ERI1: variants seen among roughly 807,000 people sequenced by gnomAD.
ERI1 encodes the protein 3'-5' exoribonuclease 1.
A neutral mutation model predicts 39.7 loss-of-function variants in ERI1; 39 were observed. The ratio of observed to expected loss-of-function variants is 0.98; its 90% CI spans 0.76 to 1.28. ERI1 has a LOEUF of 1.28. ERI1 is among the 50% of genes most tolerant of loss of function. The pLI is 0.00. For synonymous variants in ERI1, 204 were observed against 149.6 expected, an observed-to-expected ratio of 1.36 and a Z score of -2.65; for missense variants, 581 against 416.9, an observed-to-expected ratio of 1.39 and a Z score of -3.43.
At chr8:9,007,333 A>G (rs916611618) in intron 1 of ERI1, among the ~76,000 whole-genome samples, 2 of 152,360 alleles carry the variant, frequency 1.3e-5, no homozygotes, top group East Asian at 3.9e-4. Context: ...TATGTTGGGC[A>G]ATTTTTGTTA....
rs60847461 is a variant in ERI1 at position 9,005,514 on chromosome 8, G to GTTT, written c.108+2359_108+2361dup. Among the ~76,000 whole-genome samples the GTTT allele has an allele frequency of 1.7e-3, 224 of 130,798 alleles. 3 individuals carry two copies. In the South Asian group the frequency reaches 0.022, roughly 13 times the overall value. 85.8% of individuals were successfully genotyped at this position (130,798 alleles called of 152,430 possible). ...TTAAGTTCAACAACAGTTTTTTTAT[G>GTTT]TTTTTTTTTTTTTTTTTTGAGAGGG... On this transcript the variant is annotated intron_variant, in intron 1 of 6. Transcript: ENST00000250263.
chr8:9,075,206 A>G (rs1187547247), intron 3 of ERI1, among the ~76,000 whole-genome samples: 2 of 152,230 alleles, frequency 1.3e-5, no homozygotes, highest in East Asian at 1.9e-4. Context: ...AAACCAAAAC[A>G]TCTTATCAGC....
intron 2 of ERI1, among the ~76,000 whole-genome samples, chr8:9,008,753 G>A (rs987395386): frequency 9.2e-5 from 14 of 152,168 alleles, no homozygotes; most frequent in African/African-American, 2.9e-4. Context: ...TGGGCCATGG[G>A]GCAGAAATGG....
intron 3 of ERI1, chr8:9,088,402 G>A (rs969762049): frequency 1.3e-5 from 2 of 152,040 alleles, no homozygotes; most frequent in Admixed American, 6.6e-5. Context: ...ACGGTATTCC[G>A]TTAGCTCAAG....
chr8:9,060,400 G>A (rs997651445), intron 3 of ERI1, among the ~76,000 whole-genome samples: 82 of 152,202 alleles, frequency 5.4e-4, no homozygotes, highest in African/African-American at 1.9e-3. Context: ...TGCCAATCCT[G>A]GTGGGGGGCG....
At chr8:9,085,761 T>C (rs528697267) in intron 3 of ERI1, among the ~76,000 whole-genome samples, 7 of 152,044 alleles carry the variant, frequency 4.6e-5, no homozygotes, top group Non-Finnish European at 7.4e-5. Flanking sequence ...TAAACAGGAA[T>C]ATGTGACGCT....
At chr8:9,037,682 C>T (rs575325887), downstream of ERI1, among the ~76,000 whole-genome samples, 109 of 152,126 alleles carry the variant, frequency 7.2e-4, no homozygotes, top group African/African-American at 2.3e-3. Context: ...TCCTGACTGC[C>T]GTGATGAATG....
At chr8:9,012,338 T>C (rs1464174257) in intron 3 of ERI1, among the ~76,000 whole-genome samples, 2 of 152,230 alleles carry the variant, frequency 1.3e-5, no homozygotes, top group African/African-American at 2.4e-5. Context: ...GCTTTATTAG[T>C]TAAGAAAGTC....
intron 3 of ERI1, among the ~76,000 whole-genome samples, chr8:9,043,070 G>C (rs1380905474): frequency 6.6e-6 from 1 of 152,160 alleles, no homozygotes; most frequent in African/African-American, 2.4e-5. Flanking sequence ...TACGTCTAAG[G>C]GCATCTCTTT....
At chr8:9,097,514 C>G (rs1174656835) in intron 3 of ERI1, among the ~76,000 whole-genome samples, 2 of 152,058 alleles carry the variant, frequency 1.3e-5, no homozygotes, top group Middle Eastern at 6.8e-3. Context: ...ACTAAAAATA[C>G]AAAAATTAGC....
intron 3 of ERI1, among the ~76,000 whole-genome samples, chr8:9,051,259 C>G (rs1013061370): frequency 6.6e-6 from 1 of 151,884 alleles, no homozygotes; most frequent in Non-Finnish European, 1.5e-5. Context: ...TGGTGAGGGC[C>G]TTGTTGCTGG....
chr8:9,070,750 G>T (rs912820806), intron 3 of ERI1, among the ~76,000 whole-genome samples: 1 of 152,184 alleles, frequency 6.6e-6, no homozygotes, highest in Non-Finnish European at 1.5e-5. Context: ...GGTTCAAGTC[G>T]CATGTCTGTG....
intron 1 of ERI1, chr8:9,004,393 A>C: frequency 1.5e-6 from 1 of 670,108 alleles, no homozygotes. Flanking sequence ...ACACTTTTAC[A>C]GCTACTTAAG....
intron 3 of ERI1, among the ~76,000 whole-genome samples, chr8:9,073,573 G>T (rs939002911): frequency 5.9e-5 from 9 of 152,156 alleles, no homozygotes; most frequent in African/African-American, 2.2e-4. Context: ...TTTTGAAGAG[G>T]CATTAACTCA....
chr8:9,080,826 G>A (rs1799345758), intron 3 of ERI1, among the ~76,000 whole-genome samples: 1 of 152,128 alleles, frequency 6.6e-6, no homozygotes, highest in South Asian at 2.1e-4. Context: ...GAGGGCAGCG[G>A]TGCAAAGAAT....
chr8:9,056,201 T>C (rs537343479), intron 3 of ERI1, among the ~76,000 whole-genome samples: 1 of 152,250 alleles, frequency 6.6e-6, no homozygotes. Flanking sequence ...CCAGCTCCGC[T>C]GGAAGTGGAA....
At chr8:9,049,161 C>G (rs1798271408) in intron 3 of ERI1, among the ~76,000 whole-genome samples, 2 of 151,348 alleles carry the variant, frequency 1.3e-5, no homozygotes. Context: ...CATGGTGAAA[C>G]CCCGTCTCTA....
At position 9,016,776 on chromosome 8, in the gene ERI1, C is replaced by T. The variant is rs964089073; in HGVS notation, c.582+371C>T. Among the ~76,000 whole-genome samples the T allele has an allele frequency of 2.6e-5, 4 of 152,180 alleles. No individual in the cohort carries two copies. The South Asian group carries it at 6.2e-4, about 24-fold the overall frequency. On this transcript the variant is annotated intron_variant, in intron 4 of 6. Coordinates refer to ENST00000250263, the MANE Select transcript of ERI1 (RefSeq NM_153332.4). ...CCTCGGCTCACTGCAGCCTCTGCCT[C>T]CTGGGCTCAAGCGATTCTCCTGCCT...
At chr8:9,073,438 G>A (rs909544600) in intron 3 of ERI1, among the ~76,000 whole-genome samples, 3 of 152,182 alleles carry the variant, frequency 2.0e-5, no homozygotes, top group Non-Finnish European at 4.4e-5. Flanking sequence ...GGAGGTTACC[G>A]ATGGACAGGT....
Sources: gnomAD v4.1 joint callset for allele counts (sites outside exome capture counted in the v4.1 genomes callset) on GRCh38, gnomAD v4.1.1 for gene constraint, MANE v1.5 for transcripts, NCBI Gene and HGNC (gene_info 2026-07-23, HGNC 2026-07-21) for gene names.